ZFHX4: variants seen among roughly 807,000 people sequenced by gnomAD.
The protein encoded by ZFHX4 is zinc finger homeobox protein 4.
A neutral mutation model predicts 267.6 loss-of-function variants in ZFHX4; 56 were observed. The observed-to-expected ratio is 0.21, with a 90% CI of 0.17 to 0.26. ZFHX4 has a LOEUF of 0.26. ZFHX4 is among the 10% of genes least tolerant of loss of function. The pLI is 1.00. For synonymous variants in ZFHX4, 1,778 were observed against 1,665.6 expected (o/e 1.07, Z -1.64); for missense variants, 4,332 against 4,420.0 (o/e 0.98, Z 0.56).
Position 76,834,469 on chromosome 8 carries a change from C to T in ZFHX4, c.3394+1063C>T, listed in dbSNP as rs996034186. ...TGTATCTCATTGTTGTTTTTATTTG[C>T]ATTTCCCTGATGACATGTGATGTGG... is the stretch of plus-strand genomic sequence containing the variant. On this transcript the variant is annotated intron_variant, in intron 5 of 10. Transcript: ENST00000651372. 3.8e-4 allele frequency: 62 copies of T among 163,120 alleles called. 1 individual carries two copies. The East Asian group carries it at 0.01, about 27-fold the overall frequency. 10.1% of individuals were successfully genotyped at this position (163,120 alleles called of 1,614,324 possible). A position where few individuals can be genotyped will look rare whatever the true frequency, so the allele number is the denominator to read the frequency against.
chr8:76,683,406 C>T (rs1034525082), intron 1 of ZFHX4: 6 of 147,528 alleles, frequency 4.1e-5, no homozygotes, highest in African/African-American at 1.3e-4. Flanking sequence ...AACATCCCCC[C>T]CCACACACAC....
At chr8:76,764,677 G>A (rs1810006559) in intron 3 of ZFHX4, among the ~76,000 whole-genome samples, 1 of 152,128 alleles carries the variant, frequency 6.6e-6, no homozygotes, top group Admixed American at 6.6e-5. Flanking sequence ...CATTTCAAAA[G>A]TGTCCAATTC....
At chr8:76,777,108 A>C (rs939110568) in intron 3 of ZFHX4, among the ~76,000 whole-genome samples, 3 of 152,208 alleles carry the variant, frequency 2.0e-5, no homozygotes, top group African/African-American at 7.2e-5. Flanking sequence ...TGAATTACTA[A>C]AACTCACATA....
intron 4 of ZFHX4, among the ~76,000 whole-genome samples, chr8:76,792,297 G>T (rs1020794958): frequency 2.0e-5 from 3 of 152,116 alleles, no homozygotes; most frequent in Admixed American, 2.0e-4. Flanking sequence ...GAACAGATTT[G>T]TGCAAACAAA....
chr8:76,763,298 G>A (rs1809965724), intron 3 of ZFHX4, among the ~76,000 whole-genome samples: 1 of 152,152 alleles, frequency 6.6e-6, no homozygotes, highest in African/African-American at 2.4e-5. Context: ...TGAAAAAGCA[G>A]GATGTGTTTA....
intron 4 of ZFHX4, among the ~76,000 whole-genome samples, chr8:76,796,043 A>T (rs960404926): frequency 6.6e-6 from 1 of 152,184 alleles, no homozygotes; most frequent in African/African-American, 2.4e-5. Flanking sequence ...AGTTTAAATC[A>T]GGAGAGAAAT....
intron 4 of ZFHX4, among the ~76,000 whole-genome samples, chr8:76,805,103 CA>C (rs1021522211): frequency 6.6e-6 from 1 of 152,052 alleles, no homozygotes; most frequent in African/African-American, 2.4e-5. Context: ...CAGTGGCATA[CA>C]AGGGTAAGAA....
chr8:76,791,305 C>T (rs1384931930), intron 4 of ZFHX4, among the ~76,000 whole-genome samples: 1 of 152,080 alleles, frequency 6.6e-6, no homozygotes, highest in Non-Finnish European at 1.5e-5. Context: ...TGTTGCATAC[C>T]ATCACAGCTT....
At chr8:76,767,739 A>T (rs987406580) in intron 3 of ZFHX4, among the ~76,000 whole-genome samples, 1 of 152,312 alleles carries the variant, frequency 6.6e-6, no homozygotes, top group East Asian at 1.9e-4. Flanking sequence ...TGGGCTCTCA[A>T]CAAAACTTTG....
Position 76,853,320 on chromosome 8 carries a change from G to A in ZFHX4, c.6399G>A (p.Arg2133=). 6.2e-7 allele frequency: 1 copy of A among 1,613,404 alleles called. No homozygotes were observed. Among genetic ancestry groups the A allele is most frequent in the Non-Finnish European group, 8.5e-7 (1 of 1,179,692 alleles). ...FLRHSQFKRP[R]TRITDDQLKI... ...GACATTCTCAGTTCAAACGCCCACG[G>A]ACAAGAATTACAGATGATCAGCTAA... The change falls in exon 10 of 11, where the codon CGG becomes CGA. Residue 2133 remains arginine (R), a synonymous_variant. Coordinates refer to ENST00000651372, the MANE Select transcript of ZFHX4 (RefSeq NM_024721.5).
At chr8:76,826,899 G>A (rs1811799381) in intron 4 of ZFHX4, among the ~76,000 whole-genome samples, 1 of 152,234 alleles carries the variant, frequency 6.6e-6, no homozygotes, top group Non-Finnish European at 1.5e-5. Context: ...GAGATAGGAA[G>A]CAAAGAGTTG....
rs762288220 is a variant in ZFHX4, at chr8:76,864,373, G to A, written c.10659G>A (p.Thr3553=). Residue 3553 remains threonine, a synonymous_variant, in exon 11 of 11, where the codon ACG becomes ACA. Coordinates refer to ENST00000651372, the MANE Select transcript of ZFHX4 (RefSeq NM_024721.5). ...SSPPSLSLPS[T]VTSSLCSTSG... ...CTCCTTCCCTTTCCTTGCCTTCAAC[G>A]GTTACCTCAAGTTTGTGCAGCACCT... 8.2e-5 allele frequency: 132 copies of A among 1,613,548 alleles called. No individual in the cohort carries two copies. Among genetic ancestry groups the A allele is most frequent in the African/African-American group, 1.3e-4 (10 of 74,834 alleles).
intron 4 of ZFHX4, among the ~76,000 whole-genome samples, chr8:76,828,897 G>T (rs908020993): frequency 2.0e-5 from 3 of 152,152 alleles, no homozygotes; most frequent in African/African-American, 7.2e-5. Flanking sequence ...TACTCTGGTG[G>T]TATATATTTT....
intron 3 of ZFHX4, among the ~76,000 whole-genome samples, chr8:76,711,662 G>T (rs1282035169): frequency 6.6e-6 from 1 of 152,134 alleles, no homozygotes; most frequent in African/African-American, 2.4e-5. Flanking sequence ...ACAAATTAAA[G>T]AAACTCCTTT....
At chr8:76,686,999 C>G (rs751204154) in intron 1 of ZFHX4, among the ~76,000 whole-genome samples, 7 of 152,144 alleles carry the variant, frequency 4.6e-5, no homozygotes, top group African/African-American at 1.7e-4. Context: ...AACTGAGAAG[C>G]GCCCAGGGAA....
At chr8:76,739,728 G>A (rs1380930225) in intron 3 of ZFHX4, among the ~76,000 whole-genome samples, 1 of 152,018 alleles carries the variant, frequency 6.6e-6, no homozygotes, top group Admixed American at 6.6e-5. Context: ...ACGAGTAAAT[G>A]GAATGGTCAG....
chr8:76,740,244 A>C (rs1035443754), intron 3 of ZFHX4, among the ~76,000 whole-genome samples: 1 of 151,964 alleles, frequency 6.6e-6, no homozygotes, highest in Non-Finnish European at 1.5e-5. Flanking sequence ...TGCTTAAAAC[A>C]TGTTTATAAT....
chr8:76,810,263 G>A (rs1290412844), intron 4 of ZFHX4, among the ~76,000 whole-genome samples: 1 of 152,142 alleles, frequency 6.6e-6, no homozygotes, highest in Non-Finnish European at 1.5e-5. Flanking sequence ...AGAAATGGCG[G>A]GGTATCATTA....
chr8:76,820,255 A>G (rs1468620319), intron 4 of ZFHX4, among the ~76,000 whole-genome samples: 1 of 151,914 alleles, frequency 6.6e-6, no homozygotes, highest in African/African-American at 2.4e-5. Flanking sequence ...TTCCAAACAC[A>G]CTTTTTATTT....
Sources: allele counts gnomAD v4.1 joint callset (sites outside exome capture counted in the v4.1 genomes callset), GRCh38; gene constraint gnomAD v4.1.1; transcripts MANE v1.5; gene names NCBI Gene and HGNC (gene_info 2026-07-23, HGNC 2026-07-21).